KCNN2: variants seen among roughly 807,000 people sequenced by gnomAD.
The protein encoded by KCNN2 is small conductance calcium-activated potassium channel protein 2.
Under a neutral mutation model 55.5 loss-of-function variants are expected in KCNN2, and 24 were observed. That is an observed-to-expected ratio of 0.43 (90% CI 0.31 to 0.61). KCNN2 has a LOEUF of 0.61. KCNN2 is among the 20% of genes least tolerant of loss of function. The pLI is 0.08. For synonymous variants in KCNN2, 431 were observed against 336.1 expected, an observed-to-expected ratio of 1.28 and a Z score of -3.09; for missense variants, 754 against 853.6, an observed-to-expected ratio of 0.88 and a Z score of 1.45.
intron 1 of KCNN2, among the ~76,000 whole-genome samples, chr5:114,085,974 A>C (rs1236825589): frequency 6.6e-6 from 1 of 152,132 alleles, no homozygotes; most frequent in Non-Finnish European, 1.5e-5. Context: ...TTTCAGCATA[A>C]AATATCAGTC....
At chr5:114,158,396 G>A (rs1343002915) in intron 1 of KCNN2, among the ~76,000 whole-genome samples, 1 of 152,052 alleles carries the variant, frequency 6.6e-6, no homozygotes, top group East Asian at 1.9e-4. Context: ...TGCTCTTTTG[G>A]TTACTGTAGC....
At chr5:114,408,093 G>C (rs1044864290) in intron 3 of KCNN2, among the ~76,000 whole-genome samples, 2 of 152,202 alleles carry the variant, frequency 1.3e-5, no homozygotes, top group Admixed American at 6.5e-5. Context: ...GAGGGGTTTG[G>C]TTCTCAGTGC....
rs1042285563 is a variant in KCNN2, at chr5:114,134,722, G to A, written c.-271+78222G>A. Among the ~76,000 whole-genome samples the A allele has an allele frequency of 5.3e-5, 8 of 152,092 alleles. No individual in the cohort carries two copies. In the East Asian group the frequency reaches 5.8e-4, roughly 11 times the overall value. ...CAACTCCTGACCTCGTGATCCATCC[G>A]TCTTGGTCTCCCAAAGTGCTGGAAT... is the stretch of plus-strand genomic sequence containing the variant. On this transcript the variant is annotated intron_variant, in intron 1 of 10. Transcript: ENST00000512097.
intron 2 of KCNN2, among the ~76,000 whole-genome samples, chr5:114,326,824 A>G (rs143111156): frequency 6.6e-6 from 1 of 152,302 alleles, no homozygotes; most frequent in Non-Finnish European, 1.5e-5. Flanking sequence ...AAGGGAATAT[A>G]GCTATAGCAG....
intron 3 of KCNN2, among the ~76,000 whole-genome samples, chr5:114,449,908 A>ACACACACACACACACACACACGCGCGCG (rs1309590184): frequency 1.6e-3 from 106 of 66,154 alleles, no homozygotes; most frequent in African/African-American, 3.6e-3. Flanking sequence ...ACACACACAC[A>ACACACACACACACACACACACGCGCGCG]CGCGCGCGCT....
intron 2 of KCNN2, among the ~76,000 whole-genome samples, chr5:114,275,935 T>C (rs548816710): frequency 6.6e-6 from 1 of 152,054 alleles, no homozygotes; most frequent in African/African-American, 2.4e-5. Context: ...TGTCGATTTT[T>C]GATCTCTCCT....
At chr5:114,181,843 G>A (rs868606573) in intron 1 of KCNN2, among the ~76,000 whole-genome samples, 8 of 151,920 alleles carry the variant, frequency 5.3e-5, no homozygotes, top group South Asian at 2.1e-4. Flanking sequence ...GTGAAACCCC[G>A]TCTCTACTAA....
At chr5:114,162,539 G>A (rs1481236160) in intron 1 of KCNN2, among the ~76,000 whole-genome samples, 1 of 152,146 alleles carries the variant, frequency 6.6e-6, no homozygotes, top group East Asian at 1.9e-4. Flanking sequence ...TGTCAGACAG[G>A]GACATTTAAA....
intron 2 of KCNN2, among the ~76,000 whole-genome samples, chr5:114,272,538 T>C (rs553597614): frequency 6.6e-6 from 1 of 152,236 alleles, no homozygotes; most frequent in Non-Finnish European, 1.5e-5. Flanking sequence ...ACAATTTGTA[T>C]AGGTAATTTT....
chr5:114,182,334 A>G (rs1753256397), intron 1 of KCNN2, among the ~76,000 whole-genome samples: 1 of 151,714 alleles, frequency 6.6e-6, no homozygotes, highest in Admixed American at 6.6e-5. Context: ...AAGTCCTTGA[A>G]CCTTATCTTT....
intron 3 of KCNN2, among the ~76,000 whole-genome samples, chr5:114,433,285 A>C (rs1759867298): frequency 2.0e-5 from 3 of 152,142 alleles, no homozygotes; most frequent in African/African-American, 7.2e-5. Flanking sequence ...TGAATGCACC[A>C]ATCGACACTG....
chr5:114,159,892 CT>C (rs1752727813), intron 1 of KCNN2, among the ~76,000 whole-genome samples: 1 of 152,070 alleles, frequency 6.6e-6, no homozygotes, highest in Non-Finnish European at 1.5e-5. Flanking sequence ...ATTCTTCTCT[CT>C]TTTCTTCTTT....
intron 5 of KCNN2, among the ~76,000 whole-genome samples, chr5:114,476,577 C>T (rs1429487002): frequency 6.6e-6 from 1 of 151,976 alleles, no homozygotes; most frequent in African/African-American, 2.4e-5. Flanking sequence ...CACCACCATG[C>T]CCAGCTAATT....
At chr5:114,151,961 G>C (rs1398121812) in intron 1 of KCNN2, among the ~76,000 whole-genome samples, 2 of 152,142 alleles carry the variant, frequency 1.3e-5, no homozygotes, top group Non-Finnish European at 2.9e-5. Context: ...CCTGTTCTTA[G>C]AGCAATAAGG....
At chr5:114,466,464 T>C (rs1192709842) in intron 4 of KCNN2, among the ~76,000 whole-genome samples, 1 of 110,250 alleles carries the variant, frequency 9.1e-6, no homozygotes, top group Non-Finnish European at 2.0e-5. Flanking sequence ...AGTTATTTTA[T>C]CTTCCTAGAA....
chr5:114,286,611 G>A (rs1286412897), intron 2 of KCNN2, among the ~76,000 whole-genome samples: 1 of 152,058 alleles, frequency 6.6e-6, no homozygotes, highest in Non-Finnish European at 1.5e-5. Flanking sequence ...CTAAACCACA[G>A]CAGTGGCAAA....
At chr5:114,447,880 T>G (rs573952327) in intron 3 of KCNN2, among the ~76,000 whole-genome samples, 1 of 152,366 alleles carries the variant, frequency 6.6e-6, no homozygotes, top group East Asian at 1.9e-4. Context: ...TTTATCATTT[T>G]AAATTCCAAA....
rs188805446 is a variant in KCNN2 at position 114,175,396 on chromosome 5, T to G, written c.-270-46084T>G. On this transcript the variant is annotated intron_variant, in intron 1 of 10. Coordinates refer to the KCNN2 transcript ENST00000512097. Reference sequence around the variant, plus strand: ...AATTTGATTCCGCCCTTTAAAATAATGTACTCATAAATTTCTGAATAGACT... The same window carrying G: ...AATTTGATTCCGCCCTTTAAAATAAGGTACTCATAAATTTCTGAATAGACT... Among the ~76,000 whole-genome samples the G allele has an allele frequency of 1.2e-3, 186 of 152,316 alleles. 1 individual carries two copies. The highest frequency in any genetic ancestry group is 4.2e-3 in the African/African-American group (173 of 41,576).
intron 2 of KCNN2, among the ~76,000 whole-genome samples, chr5:114,236,672 C>T (rs1754501717): frequency 6.6e-6 from 1 of 152,062 alleles, no homozygotes. Flanking sequence ...ATCCCGACTC[C>T]TGTGTTTATC....
Sources: gnomAD v4.1 joint callset for allele counts (sites outside exome capture counted in the v4.1 genomes callset) on GRCh38, gnomAD v4.1.1 for gene constraint, MANE v1.5 for transcripts, NCBI Gene and HGNC (gene_info 2026-07-23, HGNC 2026-07-21) for gene names.